Variants in ABAT observed in about 807,000 individuals in gnomAD.
The protein encoded by ABAT is 4-aminobutyrate aminotransferase, mitochondrial.
In ABAT, 45 loss-of-function variants were observed where a neutral mutation model predicts 64.6. The observed-to-expected ratio is 0.70, with a 90% CI of 0.55 to 0.89. The LOEUF (loss-of-function observed/expected upper bound fraction) is 0.89. Ranked by LOEUF, ABAT falls within the 40% of genes least tolerant of loss-of-function variation. The pLI is 0.00. For missense variants in ABAT, 633 were observed against 658.4 expected (o/e 0.96, Z 0.42); for synonymous variants, 297 against 250.5 (o/e 1.19, Z -1.75).
intron 2 of ABAT, among the ~76,000 whole-genome samples, chr16:8,739,533 C>G (rs1263460920): frequency 6.6e-6 from 1 of 152,026 alleles, no homozygotes; most frequent in Non-Finnish European, 1.5e-5. Context: ...GCCTGGCCAA[C>G]ATGATGAAAC....
intron 1 of ABAT, among the ~76,000 whole-genome samples, chr16:8,703,044 C>T (rs552751425): frequency 1.3e-5 from 2 of 151,914 alleles, no homozygotes; most frequent in East Asian, 1.9e-4. Flanking sequence ...GTAGAGTTGA[C>T]GAACACCTCT....
intron 13 of ABAT, among the ~76,000 whole-genome samples, chr16:8,775,656 A>C (rs1429327499): frequency 1.3e-5 from 2 of 152,188 alleles, no homozygotes; most frequent in East Asian, 1.9e-4. Flanking sequence ...TCATGGTCCA[A>C]AATGGCTTCT....
At position 8,782,734 on chromosome 16, in the gene ABAT, AAG is replaced by A. The variant is rs1475106538; in HGVS notation, c.*1308_*1309del. ...CTGATTTGACCTCGAATGCTCCTAA[AAG>A]AGAACTTGATAGCCTGACAGCAGAG... On this transcript the variant is annotated 3_prime_UTR_variant, in exon 16 of 16. Coordinates refer to ENST00000268251, the MANE Select transcript of ABAT (RefSeq NM_020686.6). The A allele has an allele frequency of 3.3e-5, 5 of 152,258 alleles. No homozygotes were observed. The highest frequency in any genetic ancestry group is 5.9e-5 in the Non-Finnish European group (4 of 68,076). The allele number at this position is 152,258 out of a possible 1,614,324, so 9.4% of individuals were successfully genotyped here.
chr16:8,714,086 A>G (rs1268652825), intron 1 of ABAT, among the ~76,000 whole-genome samples: 2 of 152,190 alleles, frequency 1.3e-5, no homozygotes, highest in Non-Finnish European at 2.9e-5. Context: ...AGATTTTTCA[A>G]GGACACTTTG....
intron 5 of ABAT, among the ~76,000 whole-genome samples, chr16:8,753,823 G>A (rs541489819): frequency 2.6e-5 from 4 of 152,202 alleles, no homozygotes; most frequent in South Asian, 2.1e-4. Context: ...CCGTCTTCTC[G>A]ACCAGACAGA....
intron 1 of ABAT, among the ~76,000 whole-genome samples, chr16:8,680,730 C>T (rs551887848): frequency 3.9e-5 from 6 of 152,068 alleles, no homozygotes; most frequent in Non-Finnish European, 8.8e-5. Context: ...GCCCGACCTC[C>T]ATTTTTTGAT....
intron 2 of ABAT, among the ~76,000 whole-genome samples, chr16:8,743,562 A>G (rs1374133900): frequency 7.0e-6 from 1 of 143,186 alleles, no homozygotes; most frequent in African/African-American, 2.6e-5. Context: ...TGTAATATAT[A>G]CTTTAGTTTT....
chr16:8,758,196 C>A (rs573811292), intron 6 of ABAT, among the ~76,000 whole-genome samples: 1 of 152,228 alleles, frequency 6.6e-6, no homozygotes, highest in Admixed American at 6.5e-5. Flanking sequence ...CTTTTGTTAT[C>A]CCCATTTTTC....
chr16:8,697,838 T>A (rs550003152), intron 1 of ABAT, among the ~76,000 whole-genome samples: 1 of 152,298 alleles, frequency 6.6e-6, no homozygotes, highest in East Asian at 1.9e-4. Flanking sequence ...GGTTTCACCA[T>A]GTTGGCCAGG....
chr16:8,680,835 A>T (rs567240548), intron 1 of ABAT, among the ~76,000 whole-genome samples: 174 of 152,170 alleles, frequency 1.1e-3, no homozygotes, highest in African/African-American at 4.1e-3. Context: ...TGAGCATCTT[A>T]TGTGTTTGTT....
chr16:8,757,715 T>A, intron 5 of ABAT, 42 bp from the exon 6 acceptor site: 2 of 1,603,236 alleles, frequency 1.2e-6, no homozygotes, highest in Non-Finnish European at 1.7e-6. Flanking sequence ...TGGGGAACCC[T>A]TGGATGCAAT....
rs923507154 is a variant in ABAT at position 8,757,773 on chromosome 16, C to T, written c.333C>T (p.Ala111=). 2.5e-6 allele frequency: 4 copies of T among 1,614,084 alleles called. No individual in the cohort carries two copies. Among genetic ancestry groups the T allele is most frequent in the Non-Finnish European group, 3.4e-6 (4 of 1,179,984 alleles). ...SSVPIGYSHP[A]LLKLIQQPQN... is the part of the protein sequence containing the mutation. Reference sequence around the variant, plus strand: ...TGCCCTCAGGTTACAGCCACCCCGCCCTGCTGAAACTCATCCAACAGCCTC... The same window carrying T: ...TGCCCTCAGGTTACAGCCACCCCGCTCTGCTGAAACTCATCCAACAGCCTC... The change falls in exon 6 of 16, where the codon GCC becomes GCT. Residue 111 remains alanine (A), a synonymous_variant. Transcript: ENST00000268251.
chr16:8,768,577 C>A (rs2060012968), intron 10 of ABAT, among the ~76,000 whole-genome samples: 1 of 152,142 alleles, frequency 6.6e-6, no homozygotes, highest in African/African-American at 2.4e-5. Context: ...TCGAGAGTCC[C>A]CCTTCAGCTT....
intron 2 of ABAT, among the ~76,000 whole-genome samples, chr16:8,742,684 G>A (rs763251594): frequency 6.6e-6 from 1 of 151,906 alleles, no homozygotes; most frequent in Non-Finnish European, 1.5e-5. Context: ...GGGAAACATG[G>A]CAAAACCCCT....
At chr16:8,693,945 C>T (rs923717332) in intron 1 of ABAT, among the ~76,000 whole-genome samples, 5 of 152,120 alleles carry the variant, frequency 3.3e-5, no homozygotes, top group African/African-American at 1.2e-4. Context: ...TCTTACTAAC[C>T]CATAGAGTAC....
chr16:8,766,368 G>T, intron 9 of ABAT, 98 bp downstream of exon 9: 8 of 1,195,314 alleles, frequency 6.7e-6, no homozygotes, highest in Non-Finnish European at 9.7e-6. Context: ...AATTAGGAAG[G>T]GCCAGGCCAG....
chr16:8,737,901 C>A, intron 2 of ABAT, among the ~76,000 whole-genome samples: 1 of 126,080 alleles, frequency 7.9e-6, no homozygotes, highest in African/African-American at 3.1e-5. Flanking sequence ...GTACTTCAGC[C>A]TGGGCAACAG....
intron 9 of ABAT, among the ~76,000 whole-genome samples, chr16:8,767,109 C>T (rs2142957426): frequency 6.6e-6 from 1 of 152,286 alleles, no homozygotes; most frequent in East Asian, 1.9e-4. Flanking sequence ...ACTTGGGGGC[C>T]CCCACAGTTC....
At chr16:8,725,034 A>C (rs906595761) in intron 1 of ABAT, among the ~76,000 whole-genome samples, 7 of 151,170 alleles carry the variant, frequency 4.6e-5, no homozygotes, top group Non-Finnish European at 8.8e-5. Flanking sequence ...CTCCCGCCTC[A>C]GCCTCCAAAG....
Sources: gnomAD v4.1 joint callset for allele counts (sites outside exome capture counted in the v4.1 genomes callset) on GRCh38, gnomAD v4.1.1 for gene constraint, MANE v1.5 for transcripts, NCBI Gene and HGNC (gene_info 2026-07-23, HGNC 2026-07-21) for gene names.